The following ZNF385B variants were observed in gnomAD, a reference collection of about 807,000 sequenced individuals.
ZNF385B encodes the protein zinc finger protein 533.
A neutral mutation model predicts 39.2 loss-of-function variants in ZNF385B; 23 were observed. The ratio of observed to expected loss-of-function variants is 0.59; its 90% CI spans 0.42 to 0.83. The LOEUF (loss-of-function observed/expected upper bound fraction) is 0.83, where lower values mean the gene tolerates loss of function less well. ZNF385B is among the 40% of genes least tolerant of loss of function. The probability of loss-of-function intolerance (pLI) is 0.00; values close to 1 mark genes in which losing one functional copy is unlikely to be tolerated. For missense variants in ZNF385B, 552 were observed against 598.9 expected (o/e 0.92, Z 0.82); for synonymous variants, 205 against 222.6 (o/e 0.92, Z 0.70).
intron 3 of ZNF385B, among the ~76,000 whole-genome samples, chr2:179,610,197 C>T (rs1047600727): frequency 5.9e-5 from 9 of 151,866 alleles, no homozygotes; most frequent in African/African-American, 1.9e-4. Context: ...AGGTTAAGGT[C>T]GTAGTCTTTA....
At chr2:179,622,028 G>A (rs1173261577) in intron 3 of ZNF385B, among the ~76,000 whole-genome samples, 4 of 151,990 alleles carry the variant, frequency 2.6e-5, no homozygotes, top group African/African-American at 9.7e-5. Context: ...TGTATACTAA[G>A]CTGTAACTTT....
intron 6 of ZNF385B, among the ~76,000 whole-genome samples, chr2:179,446,982 A>C (rs957927254): frequency 6.6e-6 from 1 of 152,206 alleles, no homozygotes; most frequent in African/African-American, 2.4e-5. Context: ...TCCCAAGATA[A>C]GGATGACTTA....
chr2:179,595,211 C>T (rs1687899532), intron 3 of ZNF385B, among the ~76,000 whole-genome samples: 1 of 152,110 alleles, frequency 6.6e-6, no homozygotes, highest in Non-Finnish European at 1.5e-5. Context: ...CATAGGGTAT[C>T]TGATCTTTTT....
At chr2:179,690,926 C>T (rs934477120) in intron 3 of ZNF385B, among the ~76,000 whole-genome samples, 2 of 152,074 alleles carry the variant, frequency 1.3e-5, no homozygotes, top group Non-Finnish European at 2.9e-5. Flanking sequence ...TGGGTGCACT[C>T]GATCAGTTTC....
intron 3 of ZNF385B, among the ~76,000 whole-genome samples, chr2:179,721,156 A>T (rs1700675921): frequency 2.0e-5 from 3 of 152,098 alleles, no homozygotes; most frequent in Admixed American, 2.0e-4. Flanking sequence ...TAAAATTTCA[A>T]TACATTACAA....
intron 5 of ZNF385B, among the ~76,000 whole-genome samples, chr2:179,493,779 A>ACATATGTGTATG (rs2055789700): frequency 9.9e-6 from 1 of 100,536 alleles, no homozygotes; most frequent in African/African-American, 3.5e-5. Context: ...ATATATGTAT[A>ACATATGTGTATG]TACACATATG....
chr2:179,777,085 C>T (rs1176173746), intron 1 of ZNF385B, among the ~76,000 whole-genome samples: 1 of 151,500 alleles, frequency 6.6e-6, no homozygotes, highest in African/African-American at 2.4e-5. Context: ...TTCAGAAGAC[C>T]CAACTGTTTA....
intron 4 of ZNF385B, among the ~76,000 whole-genome samples, chr2:179,539,177 G>A (rs2059763507): frequency 6.6e-6 from 1 of 152,150 alleles, no homozygotes; most frequent in African/African-American, 2.4e-5. Flanking sequence ...CAGTATGGTG[G>A]GGTTCCGAGT....
intron 3 of ZNF385B, among the ~76,000 whole-genome samples, chr2:179,718,147 A>G (rs1700450995): frequency 6.6e-6 from 1 of 152,080 alleles, no homozygotes; most frequent in Non-Finnish European, 1.5e-5. Flanking sequence ...AGAATATGAT[A>G]TGAAGCATCA....
intron 3 of ZNF385B, among the ~76,000 whole-genome samples, chr2:179,680,481 T>A (rs780023422): frequency 2.8e-4 from 43 of 152,190 alleles, no homozygotes; most frequent in Middle Eastern, 3.4e-3. Flanking sequence ...GAAAATAGGA[T>A]AGTAGTTATT....
In ZNF385B at chr2:179,775,776, T is replaced by C. The variant is rs148635789; in HGVS notation, c.-154-5104A>G. On this transcript the variant is annotated intron_variant, in intron 1 of 9. Transcript: ENST00000410066. ...AAGGTAAAGCATAGACTCTATTCTG[T>C]AATGGAGACTCTGGAGATAATATAG... Among the ~76,000 whole-genome samples the C allele has an allele frequency of 1.2e-4, 19 of 152,338 alleles. No individual in the cohort carries two copies. The East Asian group carries it at 2.7e-3, about 22-fold the overall frequency.
intron 3 of ZNF385B, among the ~76,000 whole-genome samples, chr2:179,569,600 A>G (rs1684984286): frequency 6.6e-6 from 1 of 152,226 alleles, no homozygotes; most frequent in South Asian, 2.1e-4. Flanking sequence ...TGTATTTGTG[A>G]GCATATTCCC....
chr2:179,466,353 C>A (rs139796683), intron 6 of ZNF385B, among the ~76,000 whole-genome samples: 1 of 151,956 alleles, frequency 6.6e-6, no homozygotes, highest in East Asian at 1.9e-4. Context: ...AACGATATAG[C>A]TAAGGCATAT....
intron 4 of ZNF385B, chr2:179,522,798 A>C: frequency 3.0e-6 from 1 of 331,468 alleles, no homozygotes; most frequent in Middle Eastern, 8.2e-4. Context: ...AGAAAAGTAT[A>C]ATTCATTAGG....
chr2:179,526,327 C>A (rs903033031), intron 4 of ZNF385B, among the ~76,000 whole-genome samples: 3 of 152,082 alleles, frequency 2.0e-5, no homozygotes, highest in East Asian at 3.9e-4. Context: ...CGGTGGCTCA[C>A]GCCTATAATC....
Position 179,514,625 on chromosome 2 carries a change from G to T in ZNF385B, c.552+3903C>A, listed in dbSNP as rs183203758. 5.3e-5 allele frequency among the ~76,000 whole-genome samples: 8 copies of T among 152,262 alleles called. 1 individual carries two copies. In the East Asian group the frequency reaches 1.5e-3, roughly 29 times the overall value. ...TATGCTACCATTTACATAGAAAAGG[G>T]AAGAAATAATATGTATTCATACTTA... On this transcript the variant is annotated intron_variant, in intron 5 of 9. Transcript: ENST00000410066.
chr2:179,656,873 C>G (rs1376453729), intron 3 of ZNF385B, among the ~76,000 whole-genome samples: 2 of 152,144 alleles, frequency 1.3e-5, no homozygotes, highest in African/African-American at 4.8e-5. Context: ...AGATATTATA[C>G]CTCTATGTTT....
chr2:179,671,951 C>T (rs1696064405), intron 3 of ZNF385B, among the ~76,000 whole-genome samples: 1 of 152,218 alleles, frequency 6.6e-6, no homozygotes, highest in African/African-American at 2.4e-5. Context: ...CTCCTGATAC[C>T]CTGGGGTGGT....
At chr2:179,599,871 C>A (rs754119282) in intron 3 of ZNF385B, among the ~76,000 whole-genome samples, 1 of 152,148 alleles carries the variant, frequency 6.6e-6, no homozygotes, top group South Asian at 2.1e-4. Context: ...GAAGAAATTT[C>A]TTCTATGGTG....
Sources: gnomAD v4.1 joint callset for allele counts (sites outside exome capture counted in the v4.1 genomes callset) on GRCh38, gnomAD v4.1.1 for gene constraint, MANE v1.5 for transcripts, NCBI Gene and HGNC (gene_info 2026-07-23, HGNC 2026-07-21) for gene names.